Variants in SCARA3 observed in about 807,000 individuals in gnomAD.
SCARA3 encodes cellular stress response gene protein.
Under a neutral mutation model 47.0 loss-of-function variants are expected in SCARA3, and 39 were observed. The observed-to-expected ratio is 0.83, with a 90% CI of 0.64 to 1.08. The LOEUF (loss-of-function observed/expected upper bound fraction) is 1.08. Among genes scored for constraint, SCARA3 ranks in the 50% least tolerant of loss-of-function variants. The pLI is 0.00. For missense variants in SCARA3, 724 were observed against 792.3 expected, an observed-to-expected ratio of 0.91 and a Z score of 1.04; for synonymous variants, 356 against 334.1, an observed-to-expected ratio of 1.07 and a Z score of -0.71.
At chr8:27,720,349 A>G in the SCARA3 span, among the ~76,000 whole-genome samples, 1 of 151,750 alleles carries the variant, frequency 6.6e-6, no homozygotes, top group Non-Finnish European at 1.5e-5. Flanking sequence ...CTCTTAAGTA[A>G]TGTAACATTA....
chr8:27,705,278 G>A, the SCARA3 span, among the ~76,000 whole-genome samples: 1 of 152,228 alleles, frequency 6.6e-6, no homozygotes, highest in Non-Finnish European at 1.5e-5. Context: ...CCAGGGCTGG[G>A]GTCTCTTGTG....
At chr8:27,655,843 A>T (rs914899756) in intron 3 of SCARA3, among the ~76,000 whole-genome samples, 3 of 152,206 alleles carry the variant, frequency 2.0e-5, no homozygotes, top group African/African-American at 7.2e-5. Context: ...TTAACCCTGG[A>T]TGGAAAAATG....
downstream of SCARA3, among the ~76,000 whole-genome samples, chr8:27,674,343 A>G (rs570481400): frequency 4.6e-5 from 7 of 152,194 alleles, no homozygotes; most frequent in Non-Finnish European, 1.0e-4. Context: ...CTCGGTGGCC[A>G]TGGAAACGGG....
the SCARA3 span, chr8:27,703,069 T>G: frequency 6.6e-6 from 1 of 152,356 alleles, no homozygotes; most frequent in East Asian, 1.9e-4. Flanking sequence ...AGAACTGGCA[T>G]GGAACCCAGG....
chr8:27,710,139 A>C, the SCARA3 span, among the ~76,000 whole-genome samples: 1 of 151,096 alleles, frequency 6.6e-6, no homozygotes, highest in African/African-American at 2.4e-5. Flanking sequence ...CTGAGGCAGG[A>C]GAACTGCTTG....
At chr8:27,692,508 T>C in the SCARA3 span, among the ~76,000 whole-genome samples, 2 of 151,960 alleles carry the variant, frequency 1.3e-5, no homozygotes, top group African/African-American at 4.8e-5. Context: ...AAGAAATCAA[T>C]GTATTTTACC....
At chr8:27,651,915 C>T (rs754603042) in intron 3 of SCARA3, among the ~76,000 whole-genome samples, 5 of 152,230 alleles carry the variant, frequency 3.3e-5, no homozygotes, top group Non-Finnish European at 7.3e-5. Context: ...CTCCATGTTA[C>T]AGCCATCTTG....
At chr8:27,706,799 G>A in the SCARA3 span, among the ~76,000 whole-genome samples, 1 of 152,100 alleles carries the variant, frequency 6.6e-6, no homozygotes, top group Non-Finnish European at 1.5e-5. Flanking sequence ...TTTGGACTGA[G>A]GAGGAGGAAT....
In SCARA3 at chr8:27,658,886, G is replaced by A. The variant is rs150905493; in HGVS notation, c.716G>A (p.Arg239Gln). Residue 239 changes from arginine (R) to glutamine (Q), a missense_variant, in exon 5 of 6, where the codon CGG (arginine) becomes CAG (glutamine). Coordinates refer to ENST00000301904, the MANE Select transcript of SCARA3 (RefSeq NM_016240.3). ...TCCGAGTGGATCCACGGGATCCAGC[G>A]GAAGACAGACGAGGAGACCCTGACC... ...QTSEWIHGIQ[R>Q]KTDEETLTLQ... 80 of 1,614,156 alleles carry A rather than the reference G, an allele frequency of 5.0e-5. No homozygotes were observed. The highest frequency in any genetic ancestry group is 2.4e-4 in the African/African-American group (18 of 75,032).
At chr8:27,674,182 T>C (rs1802225604), downstream of SCARA3, among the ~76,000 whole-genome samples, 1 of 152,176 alleles carries the variant, frequency 6.6e-6, no homozygotes, top group Non-Finnish European at 1.5e-5. Flanking sequence ...ACTACTGAAA[T>C]CCAAACAGCG....
At chr8:27,635,289 C>A (rs1801226986) in intron 1 of SCARA3, among the ~76,000 whole-genome samples, 1 of 152,108 alleles carries the variant, frequency 6.6e-6, no homozygotes, top group Admixed American at 6.5e-5. Context: ...CACCGACAAA[C>A]TTCTGACTGG....
intron 5 of SCARA3, among the ~76,000 whole-genome samples, chr8:27,665,896 G>C (rs555038611): frequency 6.6e-6 from 1 of 152,182 alleles, no homozygotes; most frequent in Non-Finnish European, 1.5e-5. Flanking sequence ...TTGGCTCTTG[G>C]AAAGTACAAG....
chr8:27,663,161 C>T (rs1339991709), intron 5 of SCARA3, among the ~76,000 whole-genome samples: 4 of 152,050 alleles, frequency 2.6e-5, no homozygotes, highest in Admixed American at 6.5e-5. Context: ...GCAAAATGAA[C>T]GATCAGGTGC....
the SCARA3 span, among the ~76,000 whole-genome samples, chr8:27,691,787 C>A: frequency 6.6e-6 from 1 of 152,088 alleles, no homozygotes; most frequent in African/African-American, 2.4e-5. Flanking sequence ...AAAGTTCTCC[C>A]ACCCTTATCA....
In SCARA3 at chr8:27,659,876, A is replaced by AAG. The variant is rs60317551; in HGVS notation, c.1369+351_1369+352dup. Among the ~76,000 whole-genome samples the AAG allele has an allele frequency of 4.2e-3, 384 of 90,582 alleles. 8 individuals are homozygous for AAG. The highest frequency in any genetic ancestry group is 0.012 in the African/African-American group (357 of 30,694). 59.4% of individuals were successfully genotyped at this position (90,582 alleles called of 152,430 possible). On this transcript the variant is annotated intron_variant, in intron 5 of 5. Coordinates refer to ENST00000301904, the MANE Select transcript of SCARA3 (RefSeq NM_016240.3). ...AAAAAAAAAAAAAAAAAAAAAAAAA[A>AAG]AGAGAGAGAGAGAGAAAAGAAAAAA...
chr8:27,644,074 T>TAA (rs564004725), intron 1 of SCARA3, among the ~76,000 whole-genome samples: 5 of 144,918 alleles, frequency 3.5e-5, no homozygotes, highest in African/African-American at 1.3e-4. Flanking sequence ...AGAGCAGACT[T>TAA]AAAAAAAAAA....
the SCARA3 span, among the ~76,000 whole-genome samples, chr8:27,732,275 G>T: frequency 6.6e-6 from 1 of 152,088 alleles, no homozygotes; most frequent in African/African-American, 2.4e-5. Context: ...CCACTCACCA[G>T]GCTTGAGAAC....
the SCARA3 span, among the ~76,000 whole-genome samples, chr8:27,689,429 C>G: frequency 2.0e-5 from 3 of 152,056 alleles, no homozygotes; most frequent in Non-Finnish European, 2.9e-5. Context: ...TATCCTGAGC[C>G]GGTTCCAAGC....
At chr8:27,729,064 CAAAT>C in the SCARA3 span, among the ~76,000 whole-genome samples, 273 of 152,166 alleles carry the variant, frequency 1.8e-3, 1 homozygote, top group African/African-American at 5.5e-3. Context: ...GACCCTGTCT[CAAAT>C]ATATATAACA....
Sources: allele counts gnomAD v4.1 joint callset (sites outside exome capture counted in the v4.1 genomes callset), GRCh38; gene constraint gnomAD v4.1.1; transcripts MANE v1.5; gene names NCBI Gene and HGNC (gene_info 2026-07-23, HGNC 2026-07-21).